The following TMEM51 variants were observed in gnomAD, a reference collection of about 807,000 sequenced individuals.
TMEM51 encodes the protein transmembrane protein 51.
TMEM51 carries 8 observed loss-of-function variants against 13.6 expected under a neutral mutation model. That is an observed-to-expected ratio of 0.59 (90% CI 0.35 to 1.07). The LOEUF is 1.07. Ranked by LOEUF, TMEM51 falls within the 50% of genes least tolerant of loss-of-function variation. The probability of loss-of-function intolerance (pLI) is 0.02; values close to 1 mark genes in which losing one functional copy is unlikely to be tolerated. For missense variants in TMEM51, 279 were observed against 330.7 expected (o/e 0.84, Z 1.21); for synonymous variants, 147 against 144.4 (o/e 1.02, Z -0.13).
chr1:15,211,973 A>G (rs188279473), intron 2 of TMEM51, among the ~76,000 whole-genome samples: 90 of 152,238 alleles, frequency 5.9e-4, no homozygotes, highest in African/African-American at 2.1e-3. Context: ...CACGCTGAAC[A>G]CACTGTTGTT....
At chr1:15,179,619 C>CA (rs1437544770) in intron 1 of TMEM51, among the ~76,000 whole-genome samples, 3 of 152,086 alleles carry the variant, frequency 2.0e-5, no homozygotes, top group South Asian at 2.1e-4. Flanking sequence ...CCTGTCTCTA[C>CA]AAAAAATATA....
upstream of TMEM51, among the ~76,000 whole-genome samples, chr1:15,153,430 T>G (rs1642464534): frequency 6.6e-6 from 1 of 152,080 alleles, no homozygotes. Flanking sequence ...TGCACACCGA[T>G]TCTCTGGGCC....
intron 1 of TMEM51, chr1:15,192,192 A>G (rs573841269): frequency 1.0e-5 from 4 of 394,198 alleles, no homozygotes; most frequent in South Asian, 8.8e-5. Context: ...AGATTTCTTC[A>G]TTTTCAGGGG....
chr1:15,195,690 A>T (rs1644033556), intron 1 of TMEM51, among the ~76,000 whole-genome samples: 1 of 152,098 alleles, frequency 6.6e-6, no homozygotes, highest in South Asian at 2.1e-4. Context: ...CTTTGTCCTC[A>T]CATCACCCCC....
chr1:15,181,527 C>A (rs998547723), intron 1 of TMEM51, among the ~76,000 whole-genome samples: 1 of 152,202 alleles, frequency 6.6e-6, no homozygotes, highest in East Asian at 1.9e-4. Flanking sequence ...TCCCAGGCTT[C>A]GGTTCCTAAC....
At chr1:15,164,893 C>T (rs1181023483) in intron 1 of TMEM51, among the ~76,000 whole-genome samples, 3 of 150,998 alleles carry the variant, frequency 2.0e-5, no homozygotes, top group African/African-American at 4.9e-5. Flanking sequence ...ACCTCTGCCT[C>T]CCGAGTTCAA....
chr1:15,214,930 G>A lies in TMEM51; in HGVS notation c.-158G>A, dbSNP rs984848442. On this transcript the variant is annotated 5_prime_UTR_variant, in exon 3 of 4. Coordinates refer to ENST00000376008, the MANE Select transcript of TMEM51 (RefSeq NM_001136218.2). ...CGCAGCCATCCGCACGGGAGGCCTC[G>A]CGATTGCTCGGAACCATCCCGCAGG... 3 of 711,270 alleles carry A rather than the reference G, an allele frequency of 4.2e-6. No homozygotes were observed. The highest frequency in any genetic ancestry group is 3.0e-5 in the Admixed American group (1 of 33,852). 44.1% of individuals were successfully genotyped at this position (711,270 alleles called of 1,614,324 possible). A position where few individuals can be genotyped will look rare whatever the true frequency, so the allele number is the denominator to read the frequency against.
chr1:15,172,212 G>A (rs1392430483), intron 1 of TMEM51, among the ~76,000 whole-genome samples: 3 of 151,612 alleles, frequency 2.0e-5, no homozygotes, highest in African/African-American at 7.3e-5. Context: ...CTCCATTTCT[G>A]CAAAAAAGAA....
chr1:15,188,174 T>C, intron 1 of TMEM51, among the ~76,000 whole-genome samples: 1 of 152,192 alleles, frequency 6.6e-6, no homozygotes, highest in East Asian at 1.9e-4. Flanking sequence ...CGGCTCGCGT[T>C]AGCTCCCTGC....
chr1:15,211,907 C>T (rs1644346725), intron 2 of TMEM51, among the ~76,000 whole-genome samples: 1 of 141,062 alleles, frequency 7.1e-6, no homozygotes, highest in Non-Finnish European at 1.5e-5. Flanking sequence ...GTACAATCAT[C>T]CAGGCTTTTT....
Position 15,153,814 on chromosome 1 carries a change from C to G in TMEM51, c.-407C>G, listed in dbSNP as rs1350563066. ...AGTGCGCCCTCTCCACCACTGCGTT[C>G]CCTCGGCTAAGAATCCCCCGAACCC... is the stretch of plus-strand genomic sequence containing the variant. On this transcript the variant is annotated 5_prime_UTR_variant, in exon 1 of 4. Coordinates refer to ENST00000376008, the MANE Select transcript of TMEM51 (RefSeq NM_001136218.2). The G allele has an allele frequency of 1.3e-5, 2 of 151,890 alleles. No homozygotes were observed. The highest frequency in any genetic ancestry group is 2.9e-5 in the Non-Finnish European group (2 of 67,936). 9.4% of individuals were successfully genotyped at this position (151,890 alleles called of 1,614,324 possible).
intron 1 of TMEM51, among the ~76,000 whole-genome samples, chr1:15,174,042 G>A (rs79951587): frequency 0.014 from 2,098 of 152,322 alleles, 17 homozygotes; most frequent in Non-Finnish European, 0.021. Context: ...CACAGCAAGC[G>A]AAAGCAGCAG....
intron 1 of TMEM51, among the ~76,000 whole-genome samples, chr1:15,163,132 C>T (rs1435000360): frequency 6.6e-6 from 1 of 151,960 alleles, no homozygotes; most frequent in Non-Finnish European, 1.5e-5. Context: ...AGGTGTTCTT[C>T]CAGGCTTTGG....
rs1317382832 is a variant in TMEM51, at chr1:15,192,429, TTTTTC to T, written c.-266-18057_-266-18053del. On this transcript the variant is annotated intron_variant, in intron 1 of 3. Coordinates refer to ENST00000376008, the MANE Select transcript of TMEM51 (RefSeq NM_001136218.2). Reference sequence around the variant, plus strand: ...AGGTCAGCGTTTGGCAGTGCTACTTTTTTTCTTTCTTTCTTTCTTTCTTTTCTTTT... The same window carrying T: ...AGGTCAGCGTTTGGCAGTGCTACTTTTTTCTTTCTTTCTTTCTTTTCTTTT... 3.0e-5 allele frequency: 8 copies of T among 263,348 alleles called. No individual in the cohort carries two copies. In the East Asian group the frequency reaches 5.5e-4, roughly 18 times the overall value. 16.3% of individuals were successfully genotyped at this position (263,348 alleles called of 1,614,324 possible). A position where few individuals can be genotyped will look rare whatever the true frequency, so the allele number is the denominator to read the frequency against.
intron 1 of TMEM51, among the ~76,000 whole-genome samples, chr1:15,165,752 T>C (rs187560546): frequency 3.3e-5 from 5 of 152,234 alleles, no homozygotes; most frequent in Non-Finnish European, 7.3e-5. Flanking sequence ...ATTGCAGCTC[T>C]TTCATATACT....
At chr1:15,187,410 T>C (rs1485526163) in intron 1 of TMEM51, among the ~76,000 whole-genome samples, 1 of 152,198 alleles carries the variant, frequency 6.6e-6, no homozygotes, top group Non-Finnish European at 1.5e-5. Context: ...CACTGCGGCT[T>C]CTTCTCTCTT....
chr1:15,173,020 G>A (rs527800222), intron 1 of TMEM51, among the ~76,000 whole-genome samples: 155 of 152,202 alleles, frequency 1.0e-3, no homozygotes, highest in African/African-American at 3.4e-3. Flanking sequence ...CTGTTAAATG[G>A]GCTCAATGCC....
At chr1:15,218,900 A>C (rs1644468433) in intron 3 of TMEM51, among the ~76,000 whole-genome samples, 1 of 152,190 alleles carries the variant, frequency 6.6e-6, no homozygotes, top group South Asian at 2.1e-4. Context: ...TACAATTTCC[A>C]AGAGCCCCTA....
intron 1 of TMEM51, among the ~76,000 whole-genome samples, chr1:15,154,223 G>C (rs1642507065): frequency 6.6e-6 from 1 of 152,204 alleles, no homozygotes; most frequent in African/African-American, 2.4e-5. Flanking sequence ...GGCCTTGGGG[G>C]CCCCCTGTTG....
Sources: gnomAD v4.1 joint callset for allele counts (sites outside exome capture counted in the v4.1 genomes callset) on GRCh38, gnomAD v4.1.1 for gene constraint, MANE v1.5 for transcripts, NCBI Gene and HGNC (gene_info 2026-07-23, HGNC 2026-07-21) for gene names.